Variants in MAF observed in about 807,000 individuals in gnomAD.
The protein encoded by MAF is MAF bZIP transcription factor.
In MAF, 10 loss-of-function variants were observed where a neutral mutation model predicts 22.0. The ratio of observed to expected loss-of-function variants is 0.45; its 90% confidence interval spans 0.28 to 0.77. The LOEUF is 0.77. MAF is among the 30% of genes least tolerant of loss of function. The pLI is 0.12. For missense variants in MAF, 544 were observed against 548.4 expected (o/e 0.99, Z 0.08); for synonymous variants, 337 against 255.8 (o/e 1.32, Z -3.03).
At chr16:79,348,646 G>A in the MAF span, among the ~76,000 whole-genome samples, 4 of 152,302 alleles carry the variant, frequency 2.6e-5, no homozygotes, top group African/African-American at 9.6e-5. Flanking sequence ...TCCAACGACG[G>A]GGAAACAAAA....
chr16:79,598,526 A>T, intron 1 of MAF: 1 of 1,383,922 alleles, frequency 7.2e-7, no homozygotes, highest in Non-Finnish European at 9.4e-7. Context: ...CCAGACACCC[A>T]TTCCCTCCCC....
chr16:79,224,128 C>T, the MAF span, among the ~76,000 whole-genome samples: 5 of 152,240 alleles, frequency 3.3e-5, no homozygotes, highest in East Asian at 3.9e-4. Context: ...ACTGGCAAAC[C>T]GAATCCAGCA....
chr16:79,433,805 T>C, the MAF span, among the ~76,000 whole-genome samples: 46 of 152,156 alleles, frequency 3.0e-4, no homozygotes, highest in African/African-American at 1.1e-3. Context: ...ATTGAGGAAT[T>C]CTACGTTTGA....
chr16:79,218,970 A>G, the MAF span, among the ~76,000 whole-genome samples: 1 of 152,214 alleles, frequency 6.6e-6, no homozygotes, highest in Non-Finnish European at 1.5e-5. Flanking sequence ...CCCACTAGCC[A>G]GGATTCCTTA....
chr16:79,219,633 T>C, the MAF span, among the ~76,000 whole-genome samples: 1 of 150,598 alleles, frequency 6.6e-6, no homozygotes, highest in Non-Finnish European at 1.5e-5. Context: ...GAGCAAACCA[T>C]TTGAATCGTG....
chr16:79,404,480 T>C, the MAF span, among the ~76,000 whole-genome samples: 2 of 152,158 alleles, frequency 1.3e-5, no homozygotes, highest in East Asian at 3.9e-4. Context: ...TTTTAAAGCA[T>C]TTTCCCCTTG....
the MAF span, among the ~76,000 whole-genome samples, chr16:79,342,718 T>C: frequency 6.6e-6 from 1 of 152,104 alleles, no homozygotes; most frequent in Non-Finnish European, 1.5e-5. Context: ...ATACAAAACA[T>C]CTTACTATTG....
the MAF span, among the ~76,000 whole-genome samples, chr16:79,359,084 C>G: frequency 1.6e-4 from 24 of 152,308 alleles, no homozygotes; most frequent in East Asian, 3.1e-3. Context: ...CACAGGCATC[C>G]CCGGAAGCTG....
chr16:79,310,806 G>A, the MAF span, among the ~76,000 whole-genome samples: 1 of 152,212 alleles, frequency 6.6e-6, no homozygotes, highest in Non-Finnish European at 1.5e-5. Flanking sequence ...ACTGCCCTGA[G>A]TAGTCCCTGG....
At chr16:79,598,073 G>C (rs1913668582) in intron 1 of MAF, 6 of 1,043,208 alleles carry the variant, frequency 5.8e-6, no homozygotes, top group Non-Finnish European at 5.8e-6. Context: ...GATGGAACTC[G>C]GCACGCTGCA....
the MAF span, among the ~76,000 whole-genome samples, chr16:79,545,651 T>A: frequency 6.6e-6 from 1 of 152,192 alleles, no homozygotes; most frequent in African/African-American, 2.4e-5. Flanking sequence ...ATCTTTGATC[T>A]CAATACTAAA....
chr16:79,212,074 C>G, the MAF span: 1 of 1,536,372 alleles, frequency 6.5e-7, no homozygotes, highest in South Asian at 1.2e-5. Flanking sequence ...TGTGTAGGTT[C>G]CGTATCTCCC....
the MAF span, among the ~76,000 whole-genome samples, chr16:79,483,795 G>C: frequency 5.9e-5 from 9 of 152,156 alleles, no homozygotes; most frequent in African/African-American, 2.2e-4. Flanking sequence ...TTGAGACCCT[G>C]AGAAAGAATA....
chr16:79,300,213 G>C, the MAF span, among the ~76,000 whole-genome samples: 600 of 152,290 alleles, frequency 3.9e-3, 6 homozygotes, highest in Middle Eastern at 0.014. Flanking sequence ...ATTAAAAATA[G>C]ACAACATTTA....
the MAF span, among the ~76,000 whole-genome samples, chr16:79,532,665 A>T: frequency 2.0e-5 from 3 of 152,232 alleles, no homozygotes; most frequent in African/African-American, 7.2e-5. Flanking sequence ...AGGCATGAAG[A>T]TATGAAATAT....
the MAF span, among the ~76,000 whole-genome samples, chr16:79,412,795 C>T: frequency 6.6e-6 from 1 of 152,152 alleles, no homozygotes; most frequent in African/African-American, 2.4e-5. Context: ...GAAAGACAAC[C>T]CTCCCCCATT....
chr16:79,278,190 A>C, the MAF span, among the ~76,000 whole-genome samples: 1 of 152,190 alleles, frequency 6.6e-6, no homozygotes, highest in Non-Finnish European at 1.5e-5. Flanking sequence ...CAGTCTCGGG[A>C]AATGGGAGAC....
chr16:79,215,575 G>A, the MAF span, among the ~76,000 whole-genome samples: 1 of 152,154 alleles, frequency 6.6e-6, no homozygotes, highest in Non-Finnish European at 1.5e-5. Flanking sequence ...CCTCTATGCT[G>A]ACTTCCTCCT....
chr16:79,444,261 A>G, the MAF span, among the ~76,000 whole-genome samples: 1 of 152,188 alleles, frequency 6.6e-6, no homozygotes, highest in Non-Finnish European at 1.5e-5. Context: ...AAATAAAAAT[A>G]TTGATTTTGC....
Sources: allele counts gnomAD v4.1 joint callset (sites outside exome capture counted in the v4.1 genomes callset), GRCh38; gene constraint gnomAD v4.1.1; transcripts MANE v1.5; gene names NCBI Gene and HGNC (gene_info 2026-07-23, HGNC 2026-07-21).